The following CACNA1B variants were observed in gnomAD, a reference collection of about 807,000 sequenced individuals.
CACNA1B encodes calcium voltage-gated channel subunit alpha1 B.
A neutral mutation model predicts 247.2 loss-of-function variants in CACNA1B; 70 were observed. That is an observed-to-expected ratio of 0.28 (90% CI 0.23 to 0.35). CACNA1B has a LOEUF of 0.35. Ranked by LOEUF, CACNA1B falls within the 10% of genes least tolerant of loss-of-function variation. CACNA1B has a pLI of 1.00. For synonymous variants in CACNA1B, 1,231 were observed against 1,294.4 expected, an observed-to-expected ratio of 0.95 and a Z score of 1.05; for missense variants, 2,367 against 3,197.4, an observed-to-expected ratio of 0.74 and a Z score of 6.26.
At chr9:137,906,002 A>G (rs1301418821) in intron 3 of CACNA1B, among the ~76,000 whole-genome samples, 3 of 152,218 alleles carry the variant, frequency 2.0e-5, no homozygotes, top group Non-Finnish European at 4.4e-5. Flanking sequence ...GACTATGGCA[A>G]GGGCCTCTCC....
chr9:138,096,907 A>G lies in CACNA1B; in HGVS notation c.5222+296A>G, dbSNP rs3812541. Among the ~76,000 whole-genome samples, 24,394 of 150,172 alleles carry G rather than the reference A, an allele frequency of 0.16. 2,558 individuals carry two copies. The highest frequency in any genetic ancestry group is 0.47 in the East Asian group (2,359 of 5,030). On this transcript the variant is annotated intron_variant, in intron 37 of 46. Transcript: ENST00000371372. ...TACCAGGAGTCATGGAAGGTTTTCA[A>G]GGGGCTTGTGAGACTCAGGTCTTCT...
chr9:138,109,064 A>G (rs189245530), intron 39 of CACNA1B, among the ~76,000 whole-genome samples: 1 of 152,396 alleles, frequency 6.6e-6, no homozygotes, highest in Admixed American at 6.5e-5. Context: ...AAGGAAAAGT[A>G]TATGATTATC....
intron 39 of CACNA1B, among the ~76,000 whole-genome samples, chr9:138,109,904 T>A (rs891136775): frequency 2.0e-5 from 3 of 151,962 alleles, no homozygotes; most frequent in African/African-American, 7.3e-5. Context: ...AACCCGTCCC[T>A]ACTAAAAAAA....
chr9:137,970,039 C>T (rs1174847400), intron 10 of CACNA1B, among the ~76,000 whole-genome samples: 2 of 152,150 alleles, frequency 1.3e-5, no homozygotes, highest in African/African-American at 4.8e-5. Context: ...CCTGGGTGTG[C>T]ACACATATGC....
intron 3 of CACNA1B, among the ~76,000 whole-genome samples, chr9:137,900,769 G>T (rs1056769288): frequency 2.7e-5 from 4 of 147,190 alleles, no homozygotes; most frequent in Non-Finnish European, 6.0e-5. Flanking sequence ...CCCTGTGTCT[G>T]TGTGTCCCTG....
chr9:138,050,201 G>T lies in CACNA1B; in HGVS notation c.3710+886G>T, dbSNP rs890726611. ...CGCCCATCCACTTTCACCCCATCGG[G>T]GCTGCATGCTGCCGGGAGCCAAGTC... On this transcript the variant is annotated intron_variant, in intron 24 of 46. Transcript: ENST00000371372. This position sits in a 1 kb window ranked among gnomAD's most constrained non-coding sequence, Gnocchi z 5.2. The T allele has an allele frequency of 5.2e-6, 4 of 773,880 alleles. No homozygotes were observed. The highest frequency in any genetic ancestry group is 7.7e-6 in the Non-Finnish European group (4 of 520,658). The allele number at this position is 773,880 out of a possible 1,614,324, so 47.9% of individuals were successfully genotyped here. A position where few individuals can be genotyped will look rare whatever the true frequency, so the allele number is the denominator to read the frequency against.
At chr9:138,083,082 A>C (rs1960578804) in intron 36 of CACNA1B, among the ~76,000 whole-genome samples, 1 of 150,976 alleles carries the variant, frequency 6.6e-6, no homozygotes, top group Non-Finnish European at 1.5e-5. Flanking sequence ...CAAGGCACTA[A>C]GCCTAGCTGA....
chr9:138,022,997 C>T lies in CACNA1B; in HGVS notation c.2268-14C>T. On this transcript the variant is annotated splice_polypyrimidine_tract_variant and intron_variant, in intron 18 of 46. Transcript: ENST00000371372. ...CGGCAGACGGGGCCGCGCTCACCGC[C>T]AGTCTCCCCGCAGCAGGCAGCAGAA... 6.7e-7 allele frequency: 1 copy of T among 1,484,366 alleles called. No homozygotes were observed. The highest frequency in any genetic ancestry group is 8.9e-7 in the Non-Finnish European group (1 of 1,124,728). 91.9% of individuals were successfully genotyped at this position (1,484,366 alleles called of 1,614,324 possible). A position where few individuals can be genotyped will look rare whatever the true frequency, so the allele number is the denominator to read the frequency against.
At chr9:137,904,181 T>C (rs1246958686) in intron 3 of CACNA1B, among the ~76,000 whole-genome samples, 1 of 152,182 alleles carries the variant, frequency 6.6e-6, no homozygotes, top group African/African-American at 2.4e-5. Flanking sequence ...GCTGATGCTC[T>C]GGACCACTGG....
At chr9:137,903,660 T>C (rs537597600) in intron 3 of CACNA1B, among the ~76,000 whole-genome samples, 1 of 152,352 alleles carries the variant, frequency 6.6e-6, no homozygotes, top group Admixed American at 6.5e-5. Context: ...ATCTATAAAT[T>C]GATTTCAGGG....
At chr9:138,084,095 T>C (rs1960615948) in intron 36 of CACNA1B, among the ~76,000 whole-genome samples, 1 of 150,828 alleles carries the variant, frequency 6.6e-6, no homozygotes, top group Non-Finnish European at 1.5e-5. Flanking sequence ...AGCTATAATC[T>C]CGCCCCCTGG....
At chr9:137,908,597 CA>C (rs1411312226) in intron 3 of CACNA1B, among the ~76,000 whole-genome samples, 3 of 152,078 alleles carry the variant, frequency 2.0e-5, no homozygotes, top group Non-Finnish European at 2.9e-5. Context: ...TTAAAGTGTA[CA>C]AGTCAGTGGT....
intron 15 of CACNA1B, among the ~76,000 whole-genome samples, chr9:137,988,229 A>G (rs777438668): frequency 1.3e-5 from 2 of 152,204 alleles, no homozygotes; most frequent in Non-Finnish European, 2.9e-5. Flanking sequence ...AGGGTCCTGA[A>G]TGTCAGGCAA....
chr9:138,113,140 C>T (rs1309045870), intron 40 of CACNA1B, among the ~76,000 whole-genome samples: 4 of 138,042 alleles, frequency 2.9e-5, no homozygotes, highest in Non-Finnish European at 4.6e-5. Flanking sequence ...TGAGGGAGCA[C>T]GGGGAGGTGC....
intron 20 of CACNA1B, among the ~76,000 whole-genome samples, chr9:138,043,346 G>A (rs554065831): frequency 7.2e-5 from 11 of 152,320 alleles, no homozygotes; most frequent in East Asian, 3.9e-4. Flanking sequence ...ACTGGACAAC[G>A]AGGTACAGGG....
At position 138,000,201 on chromosome 9, in the gene CACNA1B, C is replaced by T. The variant is rs1352090832; in HGVS notation, c.1975-6566C>T. ...GCAAGCTCCGCCTCCCGGGTTCACG[C>T]CATTCTCCTGCCTCAGCCTCCCGAG... On this transcript the variant is annotated intron_variant, in intron 15 of 46. Transcript: ENST00000371372. 2.0e-5 allele frequency among the ~76,000 whole-genome samples: 3 copies of T among 151,914 alleles called. No homozygotes were observed. The South Asian group carries it at 6.2e-4, about 32-fold the overall frequency.
At position 138,042,622 on chromosome 9, in the gene CACNA1B, A is replaced by G. The variant is rs1959138916; in HGVS notation, c.3287-1152A>G. Among the ~76,000 whole-genome samples the G allele has an allele frequency of 3.3e-5, 5 of 152,214 alleles. 1 individual carries two copies. In the South Asian group the frequency reaches 1.0e-3, roughly 32 times the overall value. On this transcript the variant is annotated intron_variant, in intron 20 of 46. Transcript: ENST00000371372. ...TCAGATTACATAATTTTTGTTTTCA[A>G]CAGGGAAGTTTGATGGTGCCCATTT...
intron 10 of CACNA1B, among the ~76,000 whole-genome samples, chr9:137,963,535 T>C (rs1958042683): frequency 2.0e-5 from 3 of 152,206 alleles, no homozygotes; most frequent in African/African-American, 7.2e-5. Flanking sequence ...TCTCTGGGAC[T>C]ACAGGCATGT....
At position 137,881,828 on chromosome 9, in the gene CACNA1B, C is replaced by G. The variant is rs972867768; in HGVS notation, c.391-916C>G. On this transcript the variant is annotated intron_variant, in intron 2 of 46. Coordinates refer to ENST00000371372, the MANE Select transcript of CACNA1B (RefSeq NM_000718.4). The surrounding 1 kb of genome is among the most constrained non-coding windows in gnomAD (Gnocchi z 4.3). ...CATGTCCAGTAACTGTTGGCTGGAG[C>G]TCAGCCTGGGGTGCAGGAAAGGGAT... 6.6e-6 allele frequency among the ~76,000 whole-genome samples: 1 copy of G among 152,240 alleles called. No homozygotes were observed. Among genetic ancestry groups the G allele is most frequent in the African/African-American group, 2.4e-5 (1 of 41,480 alleles).
Sources: gnomAD v4.1 joint callset for allele counts (sites outside exome capture counted in the v4.1 genomes callset) on GRCh38, gnomAD v4.1.1 for gene constraint, Gnocchi (gnomAD v3.1) non-coding constraint, MANE v1.5 for transcripts, NCBI Gene and HGNC (gene_info 2026-07-23, HGNC 2026-07-21) for gene names.